Variants in ANXA8 observed in about 807,000 individuals in gnomAD.
The protein encoded by ANXA8 is annexin A8.
ANXA8 carries 9 observed loss-of-function variants against 26.8 expected under a neutral mutation model. That is an observed-to-expected ratio of 0.34 (90% confidence interval 0.20 to 0.59). The LOEUF is 0.59. Among genes scored for constraint, ANXA8 ranks in the 20% least tolerant of loss-of-function variants. The probability of loss-of-function intolerance (pLI) is 0.84; values close to 1 mark genes in which losing one functional copy is unlikely to be tolerated. For missense variants in ANXA8, 83 were observed against 238.5 expected (o/e 0.35, Z 4.29); for synonymous variants, 39 against 94.8 (o/e 0.41, Z 3.42).
chr10:47,899,951 T>C, the ANXA8 span, among the ~76,000 whole-genome samples: 1 of 150,162 alleles, frequency 6.7e-6, no homozygotes, highest in Non-Finnish European at 1.5e-5. Context: ...GAAACCTGTA[T>C]TTAAGAGTAT....
the ANXA8 span, among the ~76,000 whole-genome samples, chr10:47,673,574 G>A: frequency 1.3e-5 from 2 of 150,948 alleles, no homozygotes; most frequent in Non-Finnish European, 2.9e-5. Context: ...AGAAAGCAAG[G>A]TGTGCGACTG....
At chr10:47,596,794 A>G in the ANXA8 span, among the ~76,000 whole-genome samples, 5 of 148,740 alleles carry the variant, frequency 3.4e-5, 1 homozygote, top group African/African-American at 1.3e-4. Flanking sequence ...GAAGCCTAGG[A>G]CTAGATGAAT....
At chr10:47,501,452 A>G in the ANXA8 span, among the ~76,000 whole-genome samples, 18,581 of 136,342 alleles carry the variant, frequency 0.14, 3,943 homozygotes, top group African/African-American at 0.4. Context: ...GCTCACCCCC[A>G]TAATCCCAAC....
At chr10:47,651,218 A>G in the ANXA8 span, among the ~76,000 whole-genome samples, 2 of 150,958 alleles carry the variant, frequency 1.3e-5, no homozygotes, top group Non-Finnish European at 2.9e-5. Flanking sequence ...TAATGATAAT[A>G]ATAATAATAA....
chr10:47,552,496 T>C, the ANXA8 span, among the ~76,000 whole-genome samples: 1 of 152,082 alleles, frequency 6.6e-6, no homozygotes, highest in South Asian at 2.1e-4. Flanking sequence ...GCAGTATTAC[T>C]TTTAGTACCT....
At chr10:47,733,236 T>TC in the ANXA8 span, among the ~76,000 whole-genome samples, 1 of 50,212 alleles carries the variant, frequency 2.0e-5, no homozygotes, top group South Asian at 7.0e-4. Context: ...TCTTTCTCTC[T>TC]TTCTTTCTTT....
chr10:47,579,150 T>C, the ANXA8 span, among the ~76,000 whole-genome samples: 10 of 139,382 alleles, frequency 7.2e-5, no homozygotes, highest in Non-Finnish European at 1.5e-5. Context: ...CTGTTTTTGG[T>C]TTTTTTTGAG....
At chr10:47,513,072 G>A in the ANXA8 span, among the ~76,000 whole-genome samples, 5 of 139,948 alleles carry the variant, frequency 3.6e-5, no homozygotes, top group South Asian at 1.1e-3. Flanking sequence ...TTGCTCTGTT[G>A]CCCAGGCTGG....
the ANXA8 span, among the ~76,000 whole-genome samples, chr10:47,631,083 A>C: frequency 6.7e-6 from 1 of 150,138 alleles, no homozygotes; most frequent in Admixed American, 6.6e-5. Flanking sequence ...ATAATCATAT[A>C]TATCACCTAT....
At chr10:47,519,612 T>G in the ANXA8 span, among the ~76,000 whole-genome samples, 508 of 53,674 alleles carry the variant, frequency 9.5e-3, 9 homozygotes, top group Non-Finnish European at 0.014. Context: ...AAGCCATGTT[T>G]GTACAGCCTG....
chr10:47,702,700 C>G, the ANXA8 span, among the ~76,000 whole-genome samples: 3 of 151,826 alleles, frequency 2.0e-5, no homozygotes, highest in South Asian at 6.2e-4. Flanking sequence ...GTGGTGCGAT[C>G]TCGGCTTACT....
At position 47,483,909 on chromosome 10, in the gene ANXA8, T is replaced by C. The variant is rs1441771768; in HGVS notation, c.21+4A>G. Reference sequence around the variant, plus strand: ...ACCCAAATCTCCTGCCAGCTCCCACTTACCCAGGATTTCCACCAGGCCATC... The same window carrying C: ...ACCCAAATCTCCTGCCAGCTCCCACCTACCCAGGATTTCCACCAGGCCATC... On this transcript the variant is annotated splice_donor_region_variant and intron_variant, in intron 1 of 11. Transcript: ENST00000585281. 1.2e-6 allele frequency: 2 copies of C among 1,611,572 alleles called. No homozygotes were observed. Among genetic ancestry groups the C allele is most frequent in the Non-Finnish European group, 1.7e-6 (2 of 1,179,848 alleles).
At chr10:47,736,864 A>AG in the ANXA8 span, among the ~76,000 whole-genome samples, 1 of 150,746 alleles carries the variant, frequency 6.6e-6, no homozygotes, top group African/African-American at 2.4e-5. Flanking sequence ...CATGTTGGCC[A>AG]GGCTAGTCTT....
At chr10:47,572,618 A>G in the ANXA8 span, among the ~76,000 whole-genome samples, 2 of 149,330 alleles carry the variant, frequency 1.3e-5, no homozygotes, top group Admixed American at 1.3e-4. Flanking sequence ...TCAGGAGGCT[A>G]AGGGAGGAGA....
upstream of ANXA8, among the ~76,000 whole-genome samples, chr10:47,488,444 C>A (rs1470094690): frequency 1.2e-4 from 18 of 147,808 alleles, no homozygotes; most frequent in Admixed American, 1.1e-3. Flanking sequence ...CTCCTGACCT[C>A]AGGTGGCCCA....
chr10:47,648,672 T>C, the ANXA8 span, among the ~76,000 whole-genome samples: 1 of 99,790 alleles, frequency 1.0e-5, no homozygotes, highest in Non-Finnish European at 1.8e-5. Context: ...GTTGGAATTA[T>C]TGAGGAAAAC....
chr10:47,680,096 C>T, the ANXA8 span, among the ~76,000 whole-genome samples: 5 of 151,606 alleles, frequency 3.3e-5, no homozygotes, highest in Non-Finnish European at 7.4e-5. Context: ...TTTCCCTCAG[C>T]CTCCCAAGTA....
chr10:47,755,555 C>CTTTT, the ANXA8 span, among the ~76,000 whole-genome samples: 53 of 82,976 alleles, frequency 6.4e-4, 2 homozygotes, highest in African/African-American at 6.8e-4. Context: ...GTGCCCGGCC[C>CTTTT]TTTTTTTTTT....
chr10:47,565,028 G>A, the ANXA8 span: 8 of 825,248 alleles, frequency 9.7e-6, no homozygotes, highest in East Asian at 7.3e-5. Context: ...TGCCACTATC[G>A]CCATCGCCTA....
Sources: gnomAD v4.1 joint callset for allele counts (sites outside exome capture counted in the v4.1 genomes callset) on GRCh38, gnomAD v4.1.1 for gene constraint, MANE v1.5 for transcripts, NCBI Gene and HGNC (gene_info 2026-07-23, HGNC 2026-07-21) for gene names.